HELZ: variants seen among roughly 807,000 people sequenced by gnomAD.
The protein encoded by HELZ is ATP-dependent RNA helicase with zinc finger domain.
HELZ carries 23 observed loss-of-function variants against 218.2 expected under a neutral mutation model. The ratio of observed to expected loss-of-function variants is 0.11; its 90% CI spans 0.08 to 0.15. HELZ has a LOEUF of 0.15. Among genes scored for constraint, HELZ ranks in the 10% least tolerant of loss-of-function variants. HELZ has a pLI of 1.00. For synonymous variants in HELZ, 814 were observed against 829.4 expected (o/e 0.98, Z 0.32); for missense variants, 1,813 against 2,353.7 (o/e 0.77, Z 4.75).
chr17:67,171,037 GTTTT>G (rs758960573), intron 13 of HELZ, among the ~76,000 whole-genome samples: 1 of 131,946 alleles, frequency 7.6e-6, no homozygotes, highest in Non-Finnish European at 1.6e-5. Context: ...ATGATGTACA[GTTTT>G]TTTTTTTTTT....
At chr17:67,187,354 T>C (rs1471955521) in intron 12 of HELZ, among the ~76,000 whole-genome samples, 2 of 152,038 alleles carry the variant, frequency 1.3e-5, no homozygotes, top group East Asian at 3.9e-4. Context: ...ACCTAACTGT[T>C]AAATTTGGGC....
chr17:67,212,147 C>A (rs2040468888), intron 5 of HELZ, among the ~76,000 whole-genome samples: 1 of 151,366 alleles, frequency 6.6e-6, no homozygotes, highest in Admixed American at 6.6e-5. Context: ...CATGGTGAAA[C>A]CTCATCTCTA....
At chr17:67,107,113 A>G in intron 31 of HELZ, 56 bp downstream of exon 31, 1 of 1,437,924 alleles carries the variant, frequency 7.0e-7, no homozygotes, top group South Asian at 1.3e-5. Flanking sequence ...AAATCAATAA[A>G]TACTGATATT....
At chr17:67,235,642 T>C (rs1333818350) in intron 3 of HELZ, among the ~76,000 whole-genome samples, 2 of 151,680 alleles carry the variant, frequency 1.3e-5, no homozygotes, top group East Asian at 3.9e-4. Context: ...ACAAAGGGGC[T>C]CACAGCAGAT....
chr17:67,167,975 A>C (rs961553418), intron 13 of HELZ, among the ~76,000 whole-genome samples, 179 bp from the exon 14 acceptor site: 3 of 143,060 alleles, frequency 2.1e-5, no homozygotes, highest in Non-Finnish European at 3.1e-5. Flanking sequence ...GAAACAACAA[A>C]AAAAAATTTT....
intron 3 of HELZ, chr17:67,225,496 C>A (rs1210982416): frequency 2.2e-4 from 34 of 153,278 alleles, no homozygotes; most frequent in South Asian, 6.1e-4. Context: ...TGAAATATCA[C>A]CTTTTAATTC....
chr17:67,128,811 C>T lies in HELZ; in HGVS notation c.3227G>A (p.Ser1076Asn). 1 of 1,614,084 alleles carries T rather than the reference C, an allele frequency of 6.2e-7. No individual in the cohort carries two copies. The highest frequency in any genetic ancestry group is 8.5e-7 in the Non-Finnish European group (1 of 1,179,978). ...CTGTTCAAAAGTGATTCCATGTAGG[C>T]TACTGTTTTCATGACACAGGGCAAT... ...RFIALCHENS[S>N]LHGITFEQIK... The change falls in exon 24 of 33, where the codon AGC (serine) becomes AAC (asparagine). Residue 1076 changes from serine (S) to asparagine (N), a missense_variant. Ser to Asn is a conservative substitution (Grantham distance 46). Around this residue, in one of 4 missense-constraint regions of HELZ, gnomAD observed 156 missense variants for 274.4 expected, o/e 0.57. Coordinates refer to ENST00000358691, the MANE Select transcript of HELZ (RefSeq NM_014877.4).
chr17:67,119,950 G>GGA, intron 27 of HELZ: 2 of 418,558 alleles, frequency 4.8e-6, no homozygotes, highest in South Asian at 3.5e-5. Context: ...TGTATCTTCT[G>GGA]GAGAGAGGAT....
chr17:67,142,558 A>C (rs2038361563), intron 21 of HELZ, among the ~76,000 whole-genome samples: 2 of 152,144 alleles, frequency 1.3e-5, no homozygotes, highest in Admixed American at 1.3e-4. Context: ...TTTTTAAAAA[A>C]TCAAGATCCA....
chr17:67,114,990 A>T (rs928525158), intron 27 of HELZ, among the ~76,000 whole-genome samples: 2 of 152,316 alleles, frequency 1.3e-5, no homozygotes, highest in African/African-American at 4.8e-5. Flanking sequence ...AAAGGCTTTT[A>T]ATCTACAAAA....
At position 67,123,029 on chromosome 17, in the gene HELZ, T is replaced by G; in HGVS notation, c.3571A>C (p.Ser1191Arg). 6.2e-7 allele frequency: 1 copy of G among 1,613,796 alleles called. No individual in the cohort carries two copies. Among genetic ancestry groups the G allele is most frequent in the Non-Finnish European group, 8.5e-7 (1 of 1,179,692 alleles). Residue 1191 changes from serine to arginine, a missense_variant, in exon 26 of 33, where the codon AGT (serine) becomes CGT (arginine). Around this residue, in one of 4 missense-constraint regions of HELZ, gnomAD observed 938 missense variants for 1,027.5 expected, o/e 0.91. Transcript: ENST00000358691. ...TAGACAGCAGGTACATAAAGAATAC[T>G]TGTCCCAGTGTGAGGATCTATTCTT... is the stretch of plus-strand genomic sequence containing the variant. ...VQRIDPHTGT[S>R]ILYVPAVYGG...
intron 15 of HELZ, among the ~76,000 whole-genome samples, chr17:67,162,891 G>A (rs1428865526): frequency 6.6e-6 from 1 of 152,190 alleles, no homozygotes; most frequent in Non-Finnish European, 1.5e-5. Context: ...TAGTAGAGGA[G>A]GGTGAGGTGT....
intron 19 of HELZ, among the ~76,000 whole-genome samples, chr17:67,149,439 G>A (rs532792122): frequency 2.0e-5 from 3 of 152,056 alleles, no homozygotes; most frequent in Non-Finnish European, 2.9e-5. Flanking sequence ...TTGACATTTT[G>A]GCTGTAATTT....
intron 4 of HELZ, among the ~76,000 whole-genome samples, chr17:67,217,648 C>G (rs2040634955): frequency 6.6e-6 from 1 of 152,176 alleles, no homozygotes; most frequent in African/African-American, 2.4e-5. Context: ...TCTGGCCACA[C>G]TAACTCCTAG....
At chr17:67,139,262 T>C (rs1351045643) in intron 21 of HELZ, among the ~76,000 whole-genome samples, 2 of 152,124 alleles carry the variant, frequency 1.3e-5, no homozygotes, top group Non-Finnish European at 2.9e-5. Context: ...GCAGCAAGTG[T>C]ATCACATACA....
intron 13 of HELZ, among the ~76,000 whole-genome samples, chr17:67,175,723 A>C (rs1013066388): frequency 6.6e-6 from 1 of 152,204 alleles, no homozygotes; most frequent in South Asian, 2.1e-4. Context: ...TTTAGGTGAG[A>C]GTATCACCAG....
chr17:67,245,643 T>C, upstream of HELZ: 1 of 476,032 alleles, frequency 2.1e-6, no homozygotes, highest in Non-Finnish European at 2.7e-6. Context: ...GGGGTCGCCT[T>C]CAGAGGCCGC....
chr17:67,098,940 T>C (rs1316783953), intron 31 of HELZ, among the ~76,000 whole-genome samples: 1 of 152,200 alleles, frequency 6.6e-6, no homozygotes, highest in East Asian at 1.9e-4. Context: ...AATGTCCTTT[T>C]TTCCTCTGCC....
Position 67,114,317 on chromosome 17 carries a change from A to G in HELZ, c.3918+7T>C, listed in dbSNP as rs755704692. ...CACTAGGACAACACAGTAACTAAGC[A>G]GCATACCTGTTTTGGTTCTGTTGGC... On this transcript the variant is annotated splice_region_variant and intron_variant, in intron 28 of 32. Transcript: ENST00000358691. 1.3e-6 allele frequency: 2 copies of G among 1,581,910 alleles called. No individual in the cohort carries two copies. The highest frequency in any genetic ancestry group is 1.1e-5 in the South Asian group (1 of 90,454).
Sources: gnomAD v4.1 joint callset for allele counts (sites outside exome capture counted in the v4.1 genomes callset) on GRCh38, gnomAD v4.1.1 for gene constraint, gnomAD v4.1.1 regional missense constraint, MANE v1.5 for transcripts, NCBI Gene and HGNC (gene_info 2026-07-23, HGNC 2026-07-21) for gene names.